Variants in EYS observed in about 807,000 individuals in gnomAD.
EYS encodes the protein protein eyes shut homolog.
In EYS, 250 loss-of-function variants were observed where a neutral mutation model predicts 282.1. That is an observed-to-expected ratio of 0.89 (90% CI 0.80 to 0.98). The LOEUF (loss-of-function observed/expected upper bound fraction) is 0.98. Among genes scored for constraint, EYS ranks in the 50% least tolerant of loss-of-function variants. The probability of loss-of-function intolerance (pLI) is 0.00; values close to 1 mark genes in which losing one functional copy is unlikely to be tolerated. For missense variants in EYS, 4,016 were observed against 3,709.0 expected (o/e 1.08, Z -2.15); for synonymous variants, 1,355 against 1,282.9 (o/e 1.06, Z -1.20).
At chr6:65,663,627 C>T (rs1424171339) in intron 1 of EYS, among the ~76,000 whole-genome samples, 2 of 152,094 alleles carry the variant, frequency 1.3e-5, no homozygotes, top group Non-Finnish European at 2.9e-5. Context: ...GATCATGGTA[C>T]AAAAGCAAGT....
intron 30 of EYS, among the ~76,000 whole-genome samples, chr6:64,306,556 C>T (rs9353700): frequency 1.3e-5 from 2 of 151,948 alleles, no homozygotes; most frequent in African/African-American, 4.8e-5. Flanking sequence ...GAAAGAAATA[C>T]GTCTCCCATA....
At chr6:64,650,361 C>T (rs2151997) in intron 22 of EYS, among the ~76,000 whole-genome samples, 96,583 of 151,072 alleles carry the variant, frequency 0.64, 31,033 homozygotes, top group African/African-American at 0.71. Context: ...TTAACAAAAC[C>T]TAGATTTTTA....
chr6:65,519,742 A>T (rs1767292596), intron 2 of EYS, among the ~76,000 whole-genome samples: 1 of 72,738 alleles, frequency 1.4e-5, no homozygotes, highest in Non-Finnish European at 2.4e-5. Flanking sequence ...TTGAGATAAG[A>T]TCTTGCTCTG....
At chr6:65,014,394 T>TA (rs1771977912) in intron 13 of EYS, among the ~76,000 whole-genome samples, 1 of 152,178 alleles carries the variant, frequency 6.6e-6, no homozygotes, top group Non-Finnish European at 1.5e-5. Flanking sequence ...AAGCTTGTGA[T>TA]AAGTTGTTAT....
chr6:65,007,970 C>T (rs1166876587), intron 13 of EYS, among the ~76,000 whole-genome samples: 1 of 152,082 alleles, frequency 6.6e-6, no homozygotes, highest in African/African-American at 2.4e-5. Flanking sequence ...ATAACTGCAG[C>T]CCGAGAGTTT....
chr6:65,530,247 T>A (rs1767714629), intron 2 of EYS, among the ~76,000 whole-genome samples: 1 of 152,172 alleles, frequency 6.6e-6, no homozygotes, highest in Non-Finnish European at 1.5e-5. Flanking sequence ...TTGGTGAAAC[T>A]TCTAGAGAGA....
At chr6:65,086,111 G>A (rs75817810) in intron 12 of EYS, among the ~76,000 whole-genome samples, 6,156 of 150,586 alleles carry the variant, frequency 0.041, 176 homozygotes, top group Non-Finnish European at 0.065. Context: ...ATAGATGATG[G>A]CAAAAAGAAG....
chr6:64,808,192 T>A (rs1303727246), intron 22 of EYS, among the ~76,000 whole-genome samples: 1 of 151,988 alleles, frequency 6.6e-6, no homozygotes, highest in Admixed American at 6.6e-5. Context: ...ATTTACAGTA[T>A]AAAACATGCT....
Position 65,023,322 on chromosome 6 carries a change from T to TA in EYS, c.2138-25620dup, listed in dbSNP as rs201279565. ...GAAAAAGTTCAGATACCACATGCAA[T>TA]AAAAAAAAATCCAATTGAATTTCCA... On this transcript the variant is annotated intron_variant, in intron 13 of 42. Coordinates refer to ENST00000503581, the MANE Select transcript of EYS (RefSeq NM_001142800.2). Among the ~76,000 whole-genome samples, 23 of 151,268 alleles carry TA rather than the reference T, an allele frequency of 1.5e-4. No individual in the cohort carries two copies. In the East Asian group the frequency reaches 2.9e-3, roughly 19 times the overall value.
intron 36 of EYS, among the ~76,000 whole-genome samples, chr6:63,824,107 G>A (rs1333096): frequency 0.082 from 12,522 of 152,150 alleles, 575 homozygotes; most frequent in East Asian, 0.16. Flanking sequence ...CCACAATCTC[G>A]TCTCTCTTTC....
At chr6:64,608,686 T>A (rs1475114728) in intron 24 of EYS, among the ~76,000 whole-genome samples, 2 of 152,078 alleles carry the variant, frequency 1.3e-5, no homozygotes, top group East Asian at 3.9e-4. Flanking sequence ...GTTGAACGGA[T>A]AAACCATGGT....
intron 26 of EYS, among the ~76,000 whole-genome samples, chr6:64,490,075 T>C (rs1324212153): frequency 6.6e-6 from 1 of 150,930 alleles, no homozygotes; most frequent in East Asian, 1.9e-4. Context: ...TAAAAAACTC[T>C]GTCTCTCTAT....
intron 12 of EYS, among the ~76,000 whole-genome samples, chr6:65,152,752 T>C (rs1419972648): frequency 6.6e-6 from 1 of 151,454 alleles, no homozygotes; most frequent in Non-Finnish European, 1.5e-5. Flanking sequence ...AGTTCAGCCA[T>C]GAAATAAAAT....
chr6:65,598,854 C>T (rs1423724452), intron 2 of EYS, among the ~76,000 whole-genome samples: 1 of 152,038 alleles, frequency 6.6e-6, no homozygotes, highest in African/African-American at 2.4e-5. Flanking sequence ...AACCTCTTTG[C>T]CTCATTTTCC....
At chr6:64,423,060 A>G (rs1410806160) in intron 28 of EYS, among the ~76,000 whole-genome samples, 2 of 152,150 alleles carry the variant, frequency 1.3e-5, no homozygotes, top group East Asian at 3.8e-4. Context: ...TTATTCATTC[A>G]TTCAATCAAT....
intron 31 of EYS, among the ~76,000 whole-genome samples, chr6:64,218,005 G>A (rs1404039412): frequency 6.6e-6 from 1 of 152,192 alleles, no homozygotes; most frequent in African/African-American, 2.4e-5. Flanking sequence ...TGCTGTCTGT[G>A]TAGAGAGACT....
chr6:64,942,837 A>AAC (rs36115735), intron 15 of EYS, among the ~76,000 whole-genome samples: 18,472 of 150,108 alleles, frequency 0.12, 1,549 homozygotes, highest in Non-Finnish European at 0.18. Flanking sequence ...CAAAAAAAAA[A>AAC]AAAAAACAAA....
At chr6:65,631,082 C>T (rs1259354376) in intron 2 of EYS, among the ~76,000 whole-genome samples, 4 of 152,138 alleles carry the variant, frequency 2.6e-5, no homozygotes, top group African/African-American at 4.8e-5. Flanking sequence ...AGTATTTTCA[C>T]ACATAAACCT....
intron 26 of EYS, among the ~76,000 whole-genome samples, chr6:64,570,523 TG>T (rs1388187852): frequency 1.3e-5 from 2 of 152,106 alleles, no homozygotes; most frequent in Admixed American, 1.3e-4. Context: ...TGAAGACCCA[TG>T]GGTGTGCGGT....
Sources: allele counts gnomAD v4.1 joint callset (sites outside exome capture counted in the v4.1 genomes callset), GRCh38; gene constraint gnomAD v4.1.1; transcripts MANE v1.5; gene names NCBI Gene and HGNC (gene_info 2026-07-23, HGNC 2026-07-21).